Variants in SLC12A7 observed in about 807,000 individuals in gnomAD.
The protein encoded by SLC12A7 is solute carrier family 12 member 7.
A neutral mutation model predicts 120.6 loss-of-function variants in SLC12A7; 100 were observed. That is an observed-to-expected ratio of 0.83 (90% CI 0.71 to 0.98). SLC12A7 has a LOEUF of 0.98. Among genes scored for constraint, SLC12A7 ranks in the 50% least tolerant of loss-of-function variants. The pLI, the probability that SLC12A7 is intolerant of heterozygous loss-of-function variation, is 0.00. For missense variants in SLC12A7, 1,373 were observed against 1,548.1 expected, an observed-to-expected ratio of 0.89 and a Z score of 1.90; for synonymous variants, 760 against 678.0, an observed-to-expected ratio of 1.12 and a Z score of -1.88.
At chr5:1,154,332 G>C in the SLC12A7 span, among the ~76,000 whole-genome samples, 139 of 147,008 alleles carry the variant, frequency 9.5e-4, no homozygotes, top group Non-Finnish European at 1.6e-3. Flanking sequence ...AATCCATGCA[G>C]TCCTGGACAA....
chr5:1,154,358 C>CAA, the SLC12A7 span, among the ~76,000 whole-genome samples: 2 of 139,616 alleles, frequency 1.4e-5, no homozygotes, highest in Non-Finnish European at 3.1e-5. Context: ...GTCCGCAACA[C>CAA]ACACACACAC....
intron 2 of SLC12A7, 117 bp from the exon 3 acceptor site, chr5:1,093,772 C>T: frequency 6.9e-7 from 1 of 1,453,900 alleles, no homozygotes; most frequent in Non-Finnish European, 9.3e-7. Context: ...GCCCCTGGGT[C>T]TGAAGCAAGC....
intron 13 of SLC12A7, 131 bp downstream of exon 13, chr5:1,076,563 G>A (rs1269728374): frequency 1.8e-5 from 13 of 713,946 alleles, no homozygotes; most frequent in East Asian, 8.2e-5. Context: ...CTCCCTTCCC[G>A]GCAGGATCCT....
At chr5:1,084,814 G>A (rs927747207) in intron 7 of SLC12A7, among the ~76,000 whole-genome samples, 7 of 152,128 alleles carry the variant, frequency 4.6e-5, no homozygotes, top group Non-Finnish European at 8.8e-5. Context: ...AGGACCCTGG[G>A]CCGCCTCCCA....
chr5:1,127,199 G>C, the SLC12A7 span, among the ~76,000 whole-genome samples: 1 of 152,198 alleles, frequency 6.6e-6, no homozygotes, highest in Non-Finnish European at 1.5e-5. Context: ...ATTTTTAGTA[G>C]AGACGGGGTT....
intron 20 of SLC12A7, among the ~76,000 whole-genome samples, chr5:1,062,626 C>T (rs576464930): frequency 9.2e-5 from 14 of 151,890 alleles, no homozygotes; most frequent in East Asian, 3.9e-4. Flanking sequence ...ACTCACAGCC[C>T]GACACAAACC....
intron 18 of SLC12A7, 30 bp downstream of exon 18, chr5:1,065,253 G>A (rs774854958): frequency 1.3e-6 from 2 of 1,504,184 alleles, no homozygotes; most frequent in Non-Finnish European, 1.8e-6. Flanking sequence ...GACGGTGAGG[G>A]GATGCCGAAG....
In SLC12A7 at chr5:1,076,251, G is replaced by A. The variant is rs373127513; in HGVS notation, c.1749-15C>T. 1.0e-4 allele frequency: 166 copies of A among 1,592,950 alleles called. 2 individuals are homozygous for A. In the South Asian group the frequency reaches 1.5e-3, roughly 15 times the overall value. On this transcript the variant is annotated splice_polypyrimidine_tract_variant and intron_variant, in intron 13 of 23. Coordinates refer to ENST00000264930, the MANE Select transcript of SLC12A7 (RefSeq NM_006598.3). ...TGAGGAAGAACCTGCAGGGACGGCC[G>A]GCCACTGATACGGGCCCACTGGGCC...
At chr5:1,106,311 G>A in intron 1 of SLC12A7, among the ~76,000 whole-genome samples, 1 of 152,206 alleles carries the variant, frequency 6.6e-6, no homozygotes, top group East Asian at 1.9e-4. Context: ...AACTTAGCCA[G>A]GCGCGGTGGT....
At position 1,053,359 on chromosome 5, in the gene SLC12A7, T is replaced by C; in HGVS notation, c.3150A>G (p.Gly1050=). 1 of 1,613,904 alleles carries C rather than the reference T, an allele frequency of 6.2e-7. No homozygotes were observed. ...NMPGPPKNRQ[G]DENYMEFLEV... Reference sequence around the variant, plus strand: ...TGCAAGAAAGGATACAGTTCTCGTCTCCCTGCCGGTTTTTGGGAGGACCTG... The same window carrying C: ...TGCAAGAAAGGATACAGTTCTCGTCCCCCTGCCGGTTTTTGGGAGGACCTG... The change falls in exon 23 of 24, where the codon GGA becomes GGG. Residue 1050 remains glycine (G), a synonymous_variant. Transcript: ENST00000264930.
In SLC12A7 at chr5:1,052,310, C is replaced by T. The variant is rs769803598; in HGVS notation, c.*50G>A. ...CTGGGCCAAGCCCAGGCCCAGGCTG[C>T]CCACGCCGTCCTCCGTGCCTGTCCC... is the stretch of plus-strand genomic sequence containing the variant. On this transcript the variant is annotated 3_prime_UTR_variant, in exon 24 of 24. Transcript: ENST00000264930. The T allele has an allele frequency of 6.7e-7, 1 of 1,498,090 alleles. No homozygotes were observed. The highest frequency in any genetic ancestry group is 9.3e-7 in the Non-Finnish European group (1 of 1,076,234). The allele number at this position is 1,498,090 out of a possible 1,614,324, so 92.8% of individuals were successfully genotyped here. A position where few individuals can be genotyped will look rare whatever the true frequency, so the allele number is the denominator to read the frequency against.
Position 1,073,695 on chromosome 5 carries a change from C to G in SLC12A7, c.2179G>C (p.Val727Leu), listed in dbSNP as rs754679636. Residue 727 changes from valine (V) to leucine (L), a missense_variant, in exon 17 of 24, where the codon GTG (valine) becomes CTG (leucine). By Grantham distance (32) the Val-to-Leu change is conservative. Transcript: ENST00000264930. ...TACGTCCCCTCCAGCACCGAGCCCA[C>G]GATGGTCAGGCCCTTGCCGGCCTTC... ...QLKAGKGLTI[V>L]GSVLEGTYLD... 1.9e-6 allele frequency: 3 copies of G among 1,587,022 alleles called. No homozygotes were observed. Among genetic ancestry groups the G allele is most frequent in the Admixed American group, 1.7e-5 (1 of 57,460 alleles).
chr5:1,081,346 C>T (rs1739081215), intron 9 of SLC12A7, among the ~76,000 whole-genome samples: 1 of 151,962 alleles, frequency 6.6e-6, no homozygotes, highest in Admixed American at 6.6e-5. Context: ...GGGGTCCCGG[C>T]TGCCCCCCTC....
chr5:1,100,491 T>C (rs1295503123), intron 1 of SLC12A7, among the ~76,000 whole-genome samples: 2 of 152,158 alleles, frequency 1.3e-5, no homozygotes, highest in African/African-American at 4.8e-5. Flanking sequence ...GGCAAGCCCA[T>C]CTGCGGATCC....
chr5:1,095,039 C>CGGTAGGGGGCGGGGG (rs1579415550), intron 1 of SLC12A7, among the ~76,000 whole-genome samples: 1 of 112,094 alleles, frequency 8.9e-6, no homozygotes, highest in Admixed American at 8.4e-5. Context: ...AGGCGGGGGG[C>CGGTAGGGGGCGGGGG]CGGTAGGAGG....
intron 4 of SLC12A7, among the ~76,000 whole-genome samples, chr5:1,088,633 G>A (rs1740151313): frequency 6.6e-6 from 1 of 152,090 alleles, no homozygotes; most frequent in Non-Finnish European, 1.5e-5. Context: ...CAAAACACAG[G>A]GTGTCCCTTC....
Position 1,094,210 on chromosome 5 carries a change from T to C in SLC12A7, c.163A>G (p.Asn55Asp), listed in dbSNP as rs199646593. ...AAGCTCTCTTGTTCCACCTCGACATTGTTGAGGAATGGGCTGTTTTCTCTT... is the reference window on the plus strand; with the variant it reads ...AAGCTCTCTTGTTCCACCTCGACATCGTTGAGGAATGGGCTGTTTTCTCTT... Reference protein sequence around the residue: ...NPRENSPFLNNVEVEQESFFE... With the variant: ...NPRENSPFLNDVEVEQESFFE... Residue 55 changes from asparagine (N) to aspartate (D), a missense_variant, in exon 2 of 24, where the codon AAT (asparagine) becomes GAT (aspartate). Coordinates refer to ENST00000264930, the MANE Select transcript of SLC12A7 (RefSeq NM_006598.3). The C allele has an allele frequency of 2.5e-5, 41 of 1,613,456 alleles. No individual in the cohort carries two copies. Among genetic ancestry groups the C allele is most frequent in the African/African-American group, 2.1e-4 (16 of 74,896 alleles).
At chr5:1,061,115 GCACCCGCCGTGCGGGACCCCTGCGTCT>G in intron 20 of SLC12A7, among the ~76,000 whole-genome samples, 1 of 34,612 alleles carries the variant, frequency 2.9e-5, no homozygotes, top group African/African-American at 5.5e-5. Context: ...CTCACCCACC[GCACCCGCCGTGCGGGACCCCTGCGTCT>G]CACCCGCCGC....
chr5:1,110,065 G>A (rs1237106692), intron 1 of SLC12A7, among the ~76,000 whole-genome samples: 2 of 152,224 alleles, frequency 1.3e-5, no homozygotes, highest in Non-Finnish European at 2.9e-5. Context: ...GGGACTCCTC[G>A]CCGCACCTCT....
Sources: gnomAD v4.1 joint callset for allele counts (sites outside exome capture counted in the v4.1 genomes callset) on GRCh38, gnomAD v4.1.1 for gene constraint, MANE v1.5 for transcripts, NCBI Gene and HGNC (gene_info 2026-07-23, HGNC 2026-07-21) for gene names.